Variants in ROBO1 observed in about 807,000 individuals in gnomAD.
ROBO1 encodes roundabout homolog 1.
A neutral mutation model predicts 195.9 loss-of-function variants in ROBO1; 149 were observed. The ratio of observed to expected loss-of-function variants is 0.76; its 90% CI spans 0.67 to 0.87. The LOEUF (loss-of-function observed/expected upper bound fraction) is 0.87, where lower values mean the gene tolerates loss of function less well. Ranked by LOEUF, ROBO1 falls within the 40% of genes least tolerant of loss-of-function variation. The pLI is 0.00. For synonymous variants in ROBO1, 816 were observed against 733.2 expected, an observed-to-expected ratio of 1.11 and a Z score of -1.82; for missense variants, 1,933 against 2,068.3, an observed-to-expected ratio of 0.93 and a Z score of 1.27.
At chr3:79,053,405 C>T (rs2078741511) in intron 3 of ROBO1, among the ~76,000 whole-genome samples, 1 of 151,990 alleles carries the variant, frequency 6.6e-6, no homozygotes, top group Non-Finnish European at 1.5e-5. Context: ...TTGTAGTTCC[C>T]ATGGCCCTGA....
At position 78,728,639 on chromosome 3, in the gene ROBO1, G is replaced by C. The variant is rs539381236; in HGVS notation, c.658-10756C>G. ...TGTTTTATATAACAAAAGGACACCG[G>C]GGCAAGTACACACACATTGTAAAGA... On this transcript the variant is annotated intron_variant, in intron 5 of 30. Transcript: ENST00000464233. Among the ~76,000 whole-genome samples, 3 of 152,190 alleles carry C rather than the reference G, an allele frequency of 2.0e-5. No individual in the cohort carries two copies. The East Asian group carries it at 5.8e-4, about 29-fold the overall frequency.
chr3:79,526,531 A>G lies in ROBO1; in HGVS notation c.88+63293T>C, dbSNP rs545649283. ...TTTTTTAAATGGCACCATGCATCAT[A>G]CATTTTCTGTGACCTGAATACATAC... On this transcript the variant is annotated intron_variant, in intron 2 of 30. Transcript: ENST00000464233. The G allele has an allele frequency of 2.6e-5, 4 of 152,340 alleles. No individual in the cohort carries two copies. In the South Asian group the frequency reaches 8.3e-4, roughly 32 times the overall value. The allele number at this position is 152,340 out of a possible 1,614,324, so 9.4% of individuals were successfully genotyped here.
At chr3:79,223,291 T>C (rs2082172790) in intron 2 of ROBO1, among the ~76,000 whole-genome samples, 1 of 152,172 alleles carries the variant, frequency 6.6e-6, no homozygotes, top group African/African-American at 2.4e-5. Flanking sequence ...ATCTGAATTA[T>C]ATCTCATAAA....
At chr3:79,708,126 T>C (rs975333467) in intron 1 of ROBO1, among the ~76,000 whole-genome samples, 1 of 152,116 alleles carries the variant, frequency 6.6e-6, no homozygotes, top group Admixed American at 6.6e-5. Context: ...AAACAGCAGG[T>C]ACAACATCAC....
intron 28 of ROBO1, among the ~76,000 whole-genome samples, chr3:78,608,081 A>G (rs1211938298): frequency 6.6e-6 from 1 of 151,918 alleles, no homozygotes; most frequent in Non-Finnish European, 1.5e-5. Flanking sequence ...ATCTTAAGTA[A>G]TACATATTAC....
intron 2 of ROBO1, among the ~76,000 whole-genome samples, chr3:79,147,378 C>A: frequency 6.6e-6 from 1 of 151,884 alleles, no homozygotes; most frequent in East Asian, 1.9e-4. Context: ...GAACACTGAG[C>A]AGGTGAGTTT....
At chr3:78,803,397 T>G (rs763027765) in intron 4 of ROBO1, among the ~76,000 whole-genome samples, 1 of 152,116 alleles carries the variant, frequency 6.6e-6, no homozygotes, top group Non-Finnish European at 1.5e-5. Flanking sequence ...ATATTGACCT[T>G]GCTCATCAAT....
intron 2 of ROBO1, among the ~76,000 whole-genome samples, chr3:79,466,580 T>G (rs997471015): frequency 2.6e-5 from 4 of 152,140 alleles, no homozygotes; most frequent in African/African-American, 4.8e-5. Context: ...AGGAGCCTGA[T>G]ATATCCACCT....
At chr3:79,753,625 C>G (rs1166014269) in intron 1 of ROBO1, among the ~76,000 whole-genome samples, 1 of 151,940 alleles carries the variant, frequency 6.6e-6, no homozygotes, top group Non-Finnish European at 1.5e-5. Context: ...TCATTTTGTT[C>G]TCCTTTACAT....
At chr3:79,138,289 A>C (rs1016169037) in intron 2 of ROBO1, among the ~76,000 whole-genome samples, 2 of 152,014 alleles carry the variant, frequency 1.3e-5, no homozygotes, top group African/African-American at 2.4e-5. Context: ...GTACACAATC[A>C]ATACTTTTTT....
At chr3:79,474,229 G>A (rs1938432494) in intron 2 of ROBO1, among the ~76,000 whole-genome samples, 2 of 152,130 alleles carry the variant, frequency 1.3e-5, no homozygotes, top group Non-Finnish European at 2.9e-5. Flanking sequence ...AAGTGTTAGT[G>A]AGTCGCTCAT....
Position 79,512,133 on chromosome 3 carries a change from C to A in ROBO1, c.88+77691G>T, listed in dbSNP as rs372193719. Among the ~76,000 whole-genome samples the A allele has an allele frequency of 2.6e-5, 4 of 152,124 alleles. No homozygotes were observed. The East Asian group carries it at 7.7e-4, about 29-fold the overall frequency. On this transcript the variant is annotated intron_variant, in intron 2 of 30. Transcript: ENST00000464233. ...TGTCTACACATCGTCTGGTGCAACCCACTTTTTCAGGAAGACATTGAGGCC... is the reference window on the plus strand; with the variant it reads ...TGTCTACACATCGTCTGGTGCAACCAACTTTTTCAGGAAGACATTGAGGCC...
At chr3:79,569,720 T>G (rs914344218) in intron 2 of ROBO1, among the ~76,000 whole-genome samples, 14 of 150,820 alleles carry the variant, frequency 9.3e-5, no homozygotes, top group Non-Finnish European at 1.8e-4. Context: ...TATATATATA[T>G]GTGTGTGTAT....
intron 1 of ROBO1, among the ~76,000 whole-genome samples, chr3:79,716,195 A>C (rs929650693): frequency 1.3e-5 from 2 of 152,002 alleles, no homozygotes; most frequent in African/African-American, 4.8e-5. Flanking sequence ...ATTTGTCATG[A>C]GTGCTAAGAT....
chr3:79,703,873 C>T (rs994008516), intron 1 of ROBO1, among the ~76,000 whole-genome samples: 1 of 151,836 alleles, frequency 6.6e-6, no homozygotes, highest in Admixed American at 6.6e-5. Context: ...TTGTGACTAT[C>T]ACTGTTGAAA....
At chr3:79,673,646 A>G (rs2106919535) in intron 1 of ROBO1, among the ~76,000 whole-genome samples, 1 of 152,120 alleles carries the variant, frequency 6.6e-6, no homozygotes, top group East Asian at 1.9e-4. Flanking sequence ...TATTGGGTAA[A>G]AAATTTGGTT....
intron 8 of ROBO1, 105 bp from the exon 9 acceptor site, chr3:78,688,877 G>T: frequency 8.7e-7 from 1 of 1,147,238 alleles, no homozygotes; most frequent in Non-Finnish European, 1.2e-6. Context: ...TATACAACAT[G>T]TTATGTAAAA....
intron 2 of ROBO1, among the ~76,000 whole-genome samples, chr3:79,519,673 T>G (rs1222800899): frequency 2.7e-5 from 4 of 148,360 alleles, no homozygotes; most frequent in Non-Finnish European, 6.0e-5. Flanking sequence ...AAATGTATGC[T>G]AAGTATAATA....
chr3:79,446,171 C>T (rs551177742), intron 2 of ROBO1, among the ~76,000 whole-genome samples: 1 of 152,100 alleles, frequency 6.6e-6, no homozygotes, highest in Non-Finnish European at 1.5e-5. Flanking sequence ...CATTTTGCTT[C>T]TTATTTTACC....
Sources: gnomAD v4.1 joint callset for allele counts (sites outside exome capture counted in the v4.1 genomes callset) on GRCh38, gnomAD v4.1.1 for gene constraint, MANE v1.5 for transcripts, NCBI Gene and HGNC (gene_info 2026-07-23, HGNC 2026-07-21) for gene names.